Variants in FGFRL1 observed in about 807,000 individuals in gnomAD.
FGFRL1 encodes the protein fibroblast growth factor receptor like 1.
Under a neutral mutation model 36.8 loss-of-function variants are expected in FGFRL1, and 24 were observed. The ratio of observed to expected loss-of-function variants is 0.65; its 90% confidence interval spans 0.47 to 0.92. FGFRL1 has a LOEUF of 0.92. Among genes scored for constraint, FGFRL1 ranks in the 40% least tolerant of loss-of-function variants. FGFRL1 has a pLI of 0.00. For missense variants in FGFRL1, 785 were observed against 753.4 expected, an observed-to-expected ratio of 1.04 and a Z score of -0.49; for synonymous variants, 422 against 344.1, an observed-to-expected ratio of 1.23 and a Z score of -2.50.
chr4:1,018,177 C>A (rs1227836992), intron 2 of FGFRL1, among the ~76,000 whole-genome samples: 3 of 152,290 alleles, frequency 2.0e-5, no homozygotes, highest in African/African-American at 7.2e-5. Flanking sequence ...CAGCTTCTTC[C>A]CCTCCATCCC....
At position 1,024,379 on chromosome 4, in the gene FGFRL1, A is replaced by G. The variant is rs1716381698; in HGVS notation, c.787A>G (p.Thr263Ala). Residue 263 changes from threonine (T) to alanine (A), a missense_variant, in exon 6 of 7, where the codon ACC becomes GCC. By Grantham distance (58) the Thr-to-Ala change is moderately conservative (BLOSUM62 0). Coordinates refer to ENST00000510644, the MANE Select transcript of FGFRL1 (RefSeq NM_001004356.3). ...GAACACGACGGTGGACTTCGGGGGGACCACGTCCTTCCAGTGCAAGGTGCG... is the reference window on the plus strand; with the variant it reads ...GAACACGACGGTGGACTTCGGGGGGGCCACGTCCTTCCAGTGCAAGGTGCG... The part of the protein sequence containing the change: ...PVNTTVDFGG[T>A]TSFQCKVRSD... 1 of 1,612,404 alleles carries G rather than the reference A, an allele frequency of 6.2e-7. No individual in the cohort carries two copies. Among genetic ancestry groups the G allele is most frequent in the Non-Finnish European group, 8.5e-7 (1 of 1,179,764 alleles).
Position 1,025,315 on chromosome 4 carries a change from A to G in FGFRL1, c.1483A>G (p.Lys495Glu). ...HSHTHSHVEGKVHQHIHYQC is the reference protein window; with the variant it reads ...HSHTHSHVEGEVHQHIHYQC ...TCACACACACTCACACGTGGAGGGC[A>G]AGGTCCACCAGCACATCCACTATCA... is the stretch of plus-strand genomic sequence containing the variant. Residue 495 changes from lysine (K) to glutamate (E), a missense_variant, in exon 7 of 7, where the codon AAG (lysine) becomes GAG (glutamate). Transcript: ENST00000510644. 6.4e-7 allele frequency: 1 copy of G among 1,560,990 alleles called. No individual in the cohort carries two copies. Among genetic ancestry groups the G allele is most frequent in the Non-Finnish European group, 8.7e-7 (1 of 1,152,210 alleles).
At chr4:1,015,478 G>C (rs541312362) in intron 2 of FGFRL1, among the ~76,000 whole-genome samples, 1 of 152,342 alleles carries the variant, frequency 6.6e-6, no homozygotes, top group African/African-American at 2.4e-5. Context: ...GGTGAAGCAG[G>C]GGATGGGAGA....
chr4:1,018,672 C>T (rs1014002830), intron 2 of FGFRL1, among the ~76,000 whole-genome samples: 1 of 152,170 alleles, frequency 6.6e-6, no homozygotes, highest in African/African-American at 2.4e-5. Context: ...GGCTGCAGTG[C>T]GAGGCAGCCG....
intron 2 of FGFRL1, among the ~76,000 whole-genome samples, chr4:1,016,111 G>A (rs998191796): frequency 6.6e-6 from 1 of 152,224 alleles, no homozygotes; most frequent in Non-Finnish European, 1.5e-5. Context: ...GGTGGTGCCC[G>A]GTGTGCCTGG....
chr4:1,010,373 G>A (rs1560554721), upstream of FGFRL1, among the ~76,000 whole-genome samples: 1 of 152,260 alleles, frequency 6.6e-6, no homozygotes, highest in Non-Finnish European at 1.5e-5. Flanking sequence ...CGCGGGATTT[G>A]GGGTGGAGGA....
chr4:1,013,446 G>A lies in FGFRL1; in HGVS notation c.79+882G>A, dbSNP rs768334078. Among the ~76,000 whole-genome samples, 29 of 152,360 alleles carry A rather than the reference G, an allele frequency of 1.9e-4. No homozygotes were observed. The Middle Eastern group carries it at 0.01, about 54-fold the overall frequency. On this transcript the variant is annotated intron_variant, in intron 2 of 6. Transcript: ENST00000510644. ...ACCCCTCCCCTGCCGCCCAGCAAGC[G>A]CGCCGCATCCAACCTGGCCTTATAT... is the stretch of plus-strand genomic sequence containing the variant.
chr4:1,019,758 C>T (rs1716075345), intron 2 of FGFRL1, among the ~76,000 whole-genome samples: 1 of 152,182 alleles, frequency 6.6e-6, no homozygotes, highest in East Asian at 1.9e-4. Context: ...GGGCTGGGGC[C>T]CATGGCCTGG....
Position 1,025,125 on chromosome 4 carries a change from C to A in FGFRL1, c.1293C>A (p.Asp431Glu), listed in dbSNP as rs772665357. Reference sequence around the variant, plus strand: ...CCCGCGACCGCAGCGGAGACAAGGACCTTCCCTCGTTGGCCGCCCTCAGCG... The same window carrying A: ...CCCGCGACCGCAGCGGAGACAAGGAACTTCCCTCGTTGGCCGCCCTCAGCG... The part of the protein sequence containing the change: ...GTARDRSGDK[D>E]LPSLAALSAG... The change falls in exon 7 of 7, where the codon GAC (aspartate) becomes GAA (glutamate). Residue 431 changes from aspartate (D) to glutamate (E), a missense_variant. Transcript: ENST00000510644. 3 of 1,611,342 alleles carry A rather than the reference C, an allele frequency of 1.9e-6. No individual in the cohort carries two copies. The South Asian group carries it at 3.3e-5, about 18-fold the overall frequency.
At chr4:1,021,456 G>A (rs1175422488) in intron 2 of FGFRL1, among the ~76,000 whole-genome samples, 1 of 152,118 alleles carries the variant, frequency 6.6e-6, no homozygotes, top group East Asian at 1.9e-4. Flanking sequence ...TGACCCCAGG[G>A]CCTTGGGGTC....
At chr4:1,016,786 C>G (rs1368464511) in intron 2 of FGFRL1, among the ~76,000 whole-genome samples, 4 of 152,172 alleles carry the variant, frequency 2.6e-5, no homozygotes, top group African/African-American at 9.7e-5. Flanking sequence ...CAGAGCCTGG[C>G]CCTGGCACCT....
In FGFRL1 at chr4:1,022,247, C is replaced by T. The variant is rs746384176; in HGVS notation, c.124C>T (p.Arg42Trp). ...CAAGGTGGTCCCACGGCAGGTGGCC[C>T]GGCTGGGCCGCACTGTGCGGCTGCA... ...ADKVVPRQVA[R>W]LGRTVRLQCP... Residue 42 changes from arginine to tryptophan, a missense_variant, in exon 3 of 7, where the codon CGG becomes TGG. Transcript: ENST00000510644. 26 of 1,555,248 alleles carry T rather than the reference C, an allele frequency of 1.7e-5. No homozygotes were observed. The highest frequency in any genetic ancestry group is 7.5e-5 in the Admixed American group (4 of 53,444).
At position 1,026,757 on chromosome 4, in the gene FGFRL1, C is replaced by T; in HGVS notation, c.*1410C>T. 2.3e-6 allele frequency: 1 copy of T among 440,068 alleles called. No homozygotes were observed. The highest frequency in any genetic ancestry group is 4.6e-6 in the Non-Finnish European group (1 of 218,514). The allele number at this position is 440,068 out of a possible 1,614,324, so 27.3% of individuals were successfully genotyped here. On this transcript the variant is annotated 3_prime_UTR_variant, in exon 7 of 7. Transcript: ENST00000510644. Reference sequence around the variant, plus strand: ...CTGGTCTTTCAGCCATGCTGATGACCACACCCCGTCCAGGCCAGACACCAC... The same window carrying T: ...CTGGTCTTTCAGCCATGCTGATGACTACACCCCGTCCAGGCCAGACACCAC...
upstream of FGFRL1, among the ~76,000 whole-genome samples, chr4:1,011,573 C>G (rs1715582793): frequency 8.4e-6 from 1 of 118,558 alleles, no homozygotes; most frequent in South Asian, 2.8e-4. Flanking sequence ...GCGGATTGGC[C>G]GGAAGTTGTG....
intron 1 of FGFRL1, 100 bp from the exon 2 acceptor site, chr4:1,012,357 CGGGGAGGGCCTGT>C (rs549662087): frequency 4.1e-6 from 5 of 1,222,788 alleles, no homozygotes; most frequent in Middle Eastern, 2.0e-4. Flanking sequence ...GGAGCGCGGG[CGGGGAGGGCCTGT>C]GGGGAGGGCG....
At chr4:1,013,698 C>T (rs1408801029) in intron 2 of FGFRL1, among the ~76,000 whole-genome samples, 3 of 152,290 alleles carry the variant, frequency 2.0e-5, no homozygotes, top group African/African-American at 7.2e-5. Context: ...CCAATCCCTA[C>T]ACCTGCCTGT....
Position 1,025,408 on chromosome 4 carries a change from G to T in FGFRL1, c.*61G>T, listed in dbSNP as rs1412084901. 2.7e-6 allele frequency: 4 copies of T among 1,498,268 alleles called. No homozygotes were observed. Among genetic ancestry groups the T allele is most frequent in the Non-Finnish European group, 3.6e-6 (4 of 1,116,210 alleles). The allele number at this position is 1,498,268 out of a possible 1,614,324, so 92.8% of individuals were successfully genotyped here. A position where few individuals can be genotyped will look rare whatever the true frequency, so the allele number is the denominator to read the frequency against. ...GCCAGACAGGCAGACTGGGAGGATG[G>T]AGGACGGAGCTGCAGACGAAGGCAG... is the stretch of plus-strand genomic sequence containing the variant. On this transcript the variant is annotated 3_prime_UTR_variant, in exon 7 of 7. Coordinates refer to ENST00000510644, the MANE Select transcript of FGFRL1 (RefSeq NM_001004356.3).
chr4:1,014,866 C>CT (rs1715803810), intron 2 of FGFRL1, among the ~76,000 whole-genome samples: 1 of 152,206 alleles, frequency 6.6e-6, no homozygotes, highest in Non-Finnish European at 1.5e-5. Context: ...TCACTGTCCC[C>CT]TTGGGGGGAG....
chr4:1,017,242 C>G (rs1377011973), intron 2 of FGFRL1, among the ~76,000 whole-genome samples: 1 of 152,028 alleles, frequency 6.6e-6, no homozygotes, highest in African/African-American at 2.4e-5. Context: ...CATGCAGGGC[C>G]CCCCAGTTCG....
Sources: allele counts gnomAD v4.1 joint callset (sites outside exome capture counted in the v4.1 genomes callset), GRCh38; gene constraint gnomAD v4.1.1; transcripts MANE v1.5; gene names NCBI Gene and HGNC (gene_info 2026-07-23, HGNC 2026-07-21).